The following COLEC12 variants were observed in gnomAD, a reference collection of about 807,000 sequenced individuals.
COLEC12 encodes the protein collectin-12.
COLEC12 carries 33 observed loss-of-function variants against 71.1 expected under a neutral mutation model. That is an observed-to-expected ratio of 0.46 (90% CI 0.35 to 0.62). COLEC12 has a LOEUF of 0.62. Among genes scored for constraint, COLEC12 ranks in the 20% least tolerant of loss-of-function variants. The pLI is 0.00. For synonymous variants in COLEC12, 350 were observed against 353.0 expected, an observed-to-expected ratio of 0.99 and a Z score of 0.10; for missense variants, 765 against 916.1, an observed-to-expected ratio of 0.84 and a Z score of 2.13.
Position 323,128 on chromosome 18 carries a change from A to G in COLEC12, c.2064-1321T>C, listed in dbSNP as rs548600136. On this transcript the variant is annotated intron_variant, in intron 8 of 9. Coordinates refer to ENST00000400256, the MANE Select transcript of COLEC12 (RefSeq NM_130386.3). ...TAGTCCCAGCTACTTGGGAGGCTGA[A>G]GCAGGAGAATTGCTTGAATCCAGGA... is the stretch of plus-strand genomic sequence containing the variant. 3.0e-3 allele frequency among the ~76,000 whole-genome samples: 453 copies of G among 152,240 alleles called. 1 individual carries two copies. The highest frequency in any genetic ancestry group is 0.01 in the African/African-American group (420 of 41,564).
chr18:346,265 T>C lies in COLEC12; in HGVS notation c.1327+30A>G. The stretch of plus-strand genomic sequence containing the variant: ...TTGTTATGCAGCAATAAACAACTAA[T>C]ACAAATACAAATTCAGAATTTTGAC... On this transcript the variant is annotated intron_variant, in intron 5 of 9. Coordinates refer to ENST00000400256, the MANE Select transcript of COLEC12 (RefSeq NM_130386.3). This position sits in a 1 kb window ranked among gnomAD's most constrained non-coding sequence, Gnocchi z 4.0. 2.0e-6 allele frequency: 3 copies of C among 1,506,378 alleles called. No homozygotes were observed. Among genetic ancestry groups the C allele is most frequent in the Non-Finnish European group, 2.7e-6 (3 of 1,105,158 alleles). The allele number at this position is 1,506,378 out of a possible 1,614,324, so 93.3% of individuals were successfully genotyped here. A position where few individuals can be genotyped will look rare whatever the true frequency, so the allele number is the denominator to read the frequency against.
intron 1 of COLEC12, among the ~76,000 whole-genome samples, chr18:497,423 TGAGA>T (rs1917734767): frequency 6.6e-6 from 1 of 151,134 alleles, no homozygotes. Flanking sequence ...TGTGTGTGTT[TGAGA>T]GAGTCTTGCT....
intron 3 of COLEC12, among the ~76,000 whole-genome samples, chr18:354,288 C>CA (rs1201139916): frequency 6.6e-6 from 1 of 152,340 alleles, no homozygotes; most frequent in Non-Finnish European, 1.5e-5. Flanking sequence ...GACCACTGCA[C>CA]AGACCCTGTC....
intron 2 of COLEC12, chr18:423,780 T>A (rs903952452): frequency 1.3e-5 from 2 of 152,244 alleles, no homozygotes; most frequent in African/African-American, 4.8e-5. Flanking sequence ...TTTCCCAGTC[T>A]TTTACAATTA....
chr18:419,243 T>A (rs903126407), intron 2 of COLEC12, among the ~76,000 whole-genome samples: 5 of 152,096 alleles, frequency 3.3e-5, no homozygotes, highest in Non-Finnish European at 5.9e-5. Context: ...GCTCTGTTGC[T>A]CTGTTGCACT....
At chr18:495,255 A>G (rs1373682546) in intron 1 of COLEC12, among the ~76,000 whole-genome samples, 1 of 152,000 alleles carries the variant, frequency 6.6e-6, no homozygotes, top group Admixed American at 6.5e-5. Flanking sequence ...GTGGTTAGAA[A>G]CTCTGTTGTC....
At chr18:490,473 T>C (rs1248382045) in intron 1 of COLEC12, among the ~76,000 whole-genome samples, 2 of 152,138 alleles carry the variant, frequency 1.3e-5, no homozygotes, top group East Asian at 1.9e-4. Flanking sequence ...GAAAATGAAA[T>C]GAAGGTGGCC....
At chr18:338,217 T>C (rs1235061197) in intron 5 of COLEC12, among the ~76,000 whole-genome samples, 1 of 152,232 alleles carries the variant, frequency 6.6e-6, no homozygotes, top group Non-Finnish European at 1.5e-5. Context: ...ATGGAAGTTT[T>C]CTCTTCTTCT....
At chr18:412,811 A>G (rs1915918193) in intron 2 of COLEC12, among the ~76,000 whole-genome samples, 1 of 152,220 alleles carries the variant, frequency 6.6e-6, no homozygotes, top group Non-Finnish European at 1.5e-5. Flanking sequence ...AAAGTCATGC[A>G]AAGGGACTCA....
intron 2 of COLEC12, among the ~76,000 whole-genome samples, chr18:381,710 G>T (rs1423101396): frequency 1.3e-5 from 2 of 152,112 alleles, no homozygotes; most frequent in Non-Finnish European, 2.9e-5. Flanking sequence ...TGTCATGAAG[G>T]AAAAAATGGA....
intron 2 of COLEC12, 149 bp from the exon 3 acceptor site, chr18:357,671 TGC>T: frequency 1.7e-6 from 1 of 583,178 alleles, no homozygotes; most frequent in Non-Finnish European, 2.9e-6. Context: ...GTAAACACAC[TGC>T]TTGAGCAACA....
rs1913658995 is a variant in COLEC12 at position 319,852 on chromosome 18, C to G, written c.*193G>C. 2 of 596,264 alleles carry G rather than the reference C, an allele frequency of 3.4e-6. No homozygotes were observed. Among genetic ancestry groups the G allele is most frequent in the Admixed American group, 3.7e-5 (1 of 27,174 alleles). 36.9% of individuals were successfully genotyped at this position (596,264 alleles called of 1,614,324 possible). ...GCACAATGAAAATCAGCATATCACC[C>G]TGGGGAACATTTTAGTTCCCAAGTC... On this transcript the variant is annotated 3_prime_UTR_variant, in exon 10 of 10. Coordinates refer to ENST00000400256, the MANE Select transcript of COLEC12 (RefSeq NM_130386.3).
chr18:403,643 A>T (rs1438662683), intron 2 of COLEC12, among the ~76,000 whole-genome samples: 1 of 152,264 alleles, frequency 6.6e-6, no homozygotes, highest in Non-Finnish European at 1.5e-5. Flanking sequence ...TCTTTTGAGA[A>T]TTTCTAAAAG....
intron 2 of COLEC12, among the ~76,000 whole-genome samples, chr18:400,106 G>C (rs1915651476): frequency 6.6e-6 from 1 of 152,178 alleles, no homozygotes; most frequent in Non-Finnish European, 1.5e-5. Context: ...GGTGTCACTA[G>C]AGAGGAAGGA....
chr18:367,830 C>G (rs984566493), intron 2 of COLEC12, among the ~76,000 whole-genome samples: 3 of 152,316 alleles, frequency 2.0e-5, no homozygotes, highest in Admixed American at 1.3e-4. Context: ...TGGCCCATGC[C>G]TGTAATCCCA....
At chr18:353,964 T>C (rs1488990279) in intron 3 of COLEC12, among the ~76,000 whole-genome samples, 1 of 152,218 alleles carries the variant, frequency 6.6e-6, no homozygotes, top group Admixed American at 6.5e-5. Flanking sequence ...CTGACCCAGC[T>C]TAGCAGCAAA....
At chr18:476,494 T>G (rs1161508677) in intron 2 of COLEC12, among the ~76,000 whole-genome samples, 2 of 152,168 alleles carry the variant, frequency 1.3e-5, no homozygotes, top group African/African-American at 4.8e-5. Context: ...CATCCTAACT[T>G]TGGACGTCTA....
intron 2 of COLEC12, among the ~76,000 whole-genome samples, chr18:365,062 T>G (rs1423877742): frequency 6.6e-6 from 1 of 152,096 alleles, no homozygotes; most frequent in African/African-American, 2.4e-5. Context: ...CAGTTAGACA[T>G]ACCAGTAGAA....
chr18:465,693 T>C lies in COLEC12; in HGVS notation c.58+15014A>G, dbSNP rs534797174. ...CTTCAAAAGAGGCCTATTATCTTAA[T>C]TAATTTTAAGCAAAAAATAAAATAA... On this transcript the variant is annotated intron_variant, in intron 2 of 9. Transcript: ENST00000400256. Among the ~76,000 whole-genome samples the C allele has an allele frequency of 3.8e-4, 58 of 152,206 alleles. 1 individual carries two copies. Among genetic ancestry groups the C allele is most frequent in the Non-Finnish European group, 7.5e-4 (51 of 68,040 alleles).
Sources: gnomAD v4.1 joint callset for allele counts (sites outside exome capture counted in the v4.1 genomes callset) on GRCh38, gnomAD v4.1.1 for gene constraint, Gnocchi (gnomAD v3.1) non-coding constraint, MANE v1.5 for transcripts, NCBI Gene and HGNC (gene_info 2026-07-23, HGNC 2026-07-21) for gene names.